The following AREL1 variants were observed in gnomAD, a reference collection of about 807,000 sequenced individuals.
AREL1 encodes apoptosis-resistant E3 ubiquitin protein ligase 1.
Under a neutral mutation model 99.0 loss-of-function variants are expected in AREL1, and 62 were observed. That is an observed-to-expected ratio of 0.63 (90% CI 0.51 to 0.77). The LOEUF (loss-of-function observed/expected upper bound fraction) is 0.77, where lower values mean the gene tolerates loss of function less well. Among genes scored for constraint, AREL1 ranks in the 30% least tolerant of loss-of-function variants. The probability of loss-of-function intolerance (pLI) is 0.00; values close to 1 mark genes in which losing one functional copy is unlikely to be tolerated. For missense variants in AREL1, 879 were observed against 1,027.6 expected (o/e 0.86, Z 1.98); for synonymous variants, 380 against 376.5 (o/e 1.01, Z -0.11).
At chr14:74,689,026 T>A (rs1431299799) in intron 2 of AREL1, among the ~76,000 whole-genome samples, 1 of 151,270 alleles carries the variant, frequency 6.6e-6, no homozygotes, top group Non-Finnish European at 1.5e-5. Context: ...TTTTTTTTTT[T>A]TAGTAGAGAC....
Position 74,704,539 on chromosome 14 carries a change from G to A in AREL1, c.-334+8394C>T, listed in dbSNP as rs75140279. ...AGATATGCATCTATCTCGGTAGGCAGGGGATGACTCTGAACAGAATGAGAC... is the reference window on the plus strand; with the variant it reads ...AGATATGCATCTATCTCGGTAGGCAAGGGATGACTCTGAACAGAATGAGAC... On this transcript the variant is annotated intron_variant, in intron 1 of 19. Coordinates refer to ENST00000356357, the MANE Select transcript of AREL1 (RefSeq NM_001039479.2). Among the ~76,000 whole-genome samples the A allele has an allele frequency of 8.4e-3, 1,273 of 152,262 alleles. 11 individuals are homozygous for A. Among genetic ancestry groups the A allele is most frequent in the Non-Finnish European group, 0.015 (999 of 68,018 alleles).
intron 1 of AREL1, chr14:74,712,056 AAAAAAAAAAAAG>A (rs1201749002): frequency 2.2e-3 from 116 of 53,166 alleles, no homozygotes; most frequent in African/African-American, 8.4e-3. Context: ...AAAAAAAAAA[AAAAAAAAAAAAG>A]AAAAAAAAAG....
chr14:74,679,759 C>T (rs993734955), intron 5 of AREL1, among the ~76,000 whole-genome samples: 1 of 150,970 alleles, frequency 6.6e-6, no homozygotes, highest in African/African-American at 2.4e-5. Flanking sequence ...ACATGGGAGG[C>T]GGAGGTCGCA....
In AREL1 at chr14:74,683,412, T is replaced by C. The variant is rs1270400567; in HGVS notation, c.365A>G (p.Asn122Ser). 6.2e-7 allele frequency: 1 copy of C among 1,614,168 alleles called. No individual in the cohort carries two copies. Among genetic ancestry groups the C allele is most frequent in the Non-Finnish European group, 8.5e-7 (1 of 1,180,014 alleles). ...GAAGGCCACTTTTACTACGTTGGAATTGGGCTCCTGAAGGACTTCCTGGGT... is the reference window on the plus strand; with the variant it reads ...GAAGGCCACTTTTACTACGTTGGAACTGGGCTCCTGAAGGACTTCCTGGGT... ...PVTQEVLQEP[N>S]SNVVKVAFTV... The change falls in exon 5 of 20, where the codon AAT becomes AGT. Residue 122 changes from asparagine (N) to serine (S), a missense_variant. Asn to Ser is a conservative substitution (Grantham distance 46). Transcript: ENST00000356357.
In AREL1 at chr14:74,669,738, T is replaced by TA; in HGVS notation, c.1824dup (p.Lys609Ter). ...TCATTGTTGAGGATAAAACAAACTT[T>TA]AGATTTGTAGAATTCTGGGTCATCT... On this transcript the variant is annotated frameshift_variant, in exon 15 of 20. Coordinates refer to ENST00000356357, the MANE Select transcript of AREL1 (RefSeq NM_001039479.2). LOFTEE classifies it high-confidence loss of function. The TA allele has an allele frequency of 6.2e-7, 1 of 1,614,148 alleles. No homozygotes were observed. Among genetic ancestry groups the TA allele is most frequent in the Non-Finnish European group, 8.5e-7 (1 of 1,180,000 alleles).
chr14:74,669,738 T>G lies in AREL1; in HGVS notation c.1825A>C (p.Lys609Gln). 4 of 1,614,148 alleles carry G rather than the reference T, an allele frequency of 2.5e-6. No homozygotes were observed. Among genetic ancestry groups the G allele is most frequent in the Non-Finnish European group, 2.5e-6 (3 of 1,180,000 alleles). Residue 609 changes from lysine to glutamine, a missense_variant, in exon 15 of 20, where the codon AAA becomes CAA. By Grantham distance (53) the Lys-to-Gln change is moderately conservative. Coordinates refer to ENST00000356357, the MANE Select transcript of AREL1 (RefSeq NM_001039479.2). ...TCATTGTTGAGGATAAAACAAACTTTAGATTTGTAGAATTCTGGGTCATCT... is the reference window on the plus strand; with the variant it reads ...TCATTGTTGAGGATAAAACAAACTTGAGATTTGTAGAATTCTGGGTCATCT... ...ETDDPEFYKS[K>Q]VCFILNNDMS... is the part of the protein sequence containing the mutation.
chr14:74,687,296 A>G (rs945015020), intron 2 of AREL1, among the ~76,000 whole-genome samples: 2 of 152,194 alleles, frequency 1.3e-5, no homozygotes, highest in African/African-American at 4.8e-5. Context: ...CCCACCTACT[A>G]TCTCTGACAA....
chr14:74,668,142 C>T (rs767591465), intron 15 of AREL1, among the ~76,000 whole-genome samples: 6 of 152,220 alleles, frequency 3.9e-5, no homozygotes, highest in Admixed American at 6.5e-5. Flanking sequence ...TGGTTAATTG[C>T]CCCTCCAGAC....
rs1018782502 is a variant in AREL1 at position 74,663,486 on chromosome 14, C to A, written c.*234G>T. On this transcript the variant is annotated 3_prime_UTR_variant, in exon 20 of 20. Transcript: ENST00000356357. ...TAGCAGCATGGTCCTCTTCTCATGA[C>A]AGAATGAAGAGCTCAGCTTACATAC... 7.3e-6 allele frequency: 4 copies of A among 545,682 alleles called. No homozygotes were observed. The African/African-American group carries it at 7.6e-5, about 10-fold the overall frequency. The allele number at this position is 545,682 out of a possible 1,614,324, so 33.8% of individuals were successfully genotyped here. A position where few individuals can be genotyped will look rare whatever the true frequency, so the allele number is the denominator to read the frequency against.
intron 13 of AREL1, 65 bp from the exon 14 acceptor site, chr14:74,670,191 C>T: frequency 6.9e-7 from 1 of 1,453,258 alleles, no homozygotes; most frequent in Non-Finnish European, 9.3e-7. Context: ...TGGAAGGACC[C>T]TTCCTTCCCC....
Position 74,692,290 on chromosome 14 carries a change from T to C in AREL1, c.-295A>G, listed in dbSNP as rs1234230628. 3 of 456,132 alleles carry C rather than the reference T, an allele frequency of 6.6e-6. No individual in the cohort carries two copies. The highest frequency in any genetic ancestry group is 3.1e-5 in the South Asian group (2 of 64,368). The allele number at this position is 456,132 out of a possible 1,614,324, so 28.3% of individuals were successfully genotyped here. On this transcript the variant is annotated 5_prime_UTR_variant, in exon 2 of 20. Transcript: ENST00000356357. Reference sequence around the variant, plus strand: ...ATATCATTCCTGGACTTCTCTCTAGTGCAGGGTGCAATCGACTGCCAAAGG... The same window carrying C: ...ATATCATTCCTGGACTTCTCTCTAGCGCAGGGTGCAATCGACTGCCAAAGG...
rs1223163361 is a variant in AREL1 at position 74,712,949 on chromosome 14, A to G, written c.-350T>C. ...AAACGTTACCCGAGCCGGGGGTTGC[A>G]GCGCGACGAAGTTCCACCTCCGCTG... On this transcript the variant is annotated 5_prime_UTR_variant, in exon 1 of 20. Coordinates refer to ENST00000356357, the MANE Select transcript of AREL1 (RefSeq NM_001039479.2). 2 of 697,086 alleles carry G rather than the reference A, an allele frequency of 2.9e-6. No homozygotes were observed. The highest frequency in any genetic ancestry group is 3.5e-5 in the African/African-American group (2 of 57,022). 43.2% of individuals were successfully genotyped at this position (697,086 alleles called of 1,614,324 possible).
rs528734378 is a variant in AREL1, at chr14:74,702,749, G to T, written c.-334+10184C>A. ...CAAATTTTCCAAACTTTTATGCTCT[G>T]CTTCCCTTTTAAATGTAAGTTCCAA... On this transcript the variant is annotated intron_variant, in intron 1 of 19. Coordinates refer to ENST00000356357, the MANE Select transcript of AREL1 (RefSeq NM_001039479.2). Among the ~76,000 whole-genome samples, 13 of 152,194 alleles carry T rather than the reference G, an allele frequency of 8.5e-5. No homozygotes were observed. The South Asian group carries it at 2.7e-3, about 32-fold the overall frequency.
intron 4 of AREL1, among the ~76,000 whole-genome samples, chr14:74,683,942 T>C (rs1188754149): frequency 6.6e-6 from 1 of 152,038 alleles, no homozygotes; most frequent in Non-Finnish European, 1.5e-5. Flanking sequence ...CAGACAAAGG[T>C]AGGAGGGGTT....
chr14:74,687,397 T>C (rs1364972623), intron 2 of AREL1, among the ~76,000 whole-genome samples: 4 of 152,192 alleles, frequency 2.6e-5, no homozygotes, highest in African/African-American at 7.2e-5. Context: ...GTGACCTATC[T>C]AGGCTTCAGA....
At chr14:74,707,627 T>C (rs1294492541) in intron 1 of AREL1, among the ~76,000 whole-genome samples, 1 of 151,864 alleles carries the variant, frequency 6.6e-6, no homozygotes, top group Non-Finnish European at 1.5e-5. Flanking sequence ...ACCCCGTCTC[T>C]ACTAAAAATA....
intron 9 of AREL1, 64 bp from the exon 10 acceptor site, chr14:74,673,282 G>C: frequency 6.4e-7 from 1 of 1,552,438 alleles, no homozygotes; most frequent in Non-Finnish European, 8.8e-7. Context: ...GTCCTCCACA[G>C]CTCTATCCTG....
chr14:74,685,461 A>G, intron 3 of AREL1, 139 bp downstream of exon 3: 4 of 969,968 alleles, frequency 4.1e-6, no homozygotes, highest in Non-Finnish European at 6.3e-6. Flanking sequence ...TCCAATGCCA[A>G]CTCTGTGAAG....
chr14:74,702,334 CA>C (rs2090101462), intron 1 of AREL1, among the ~76,000 whole-genome samples: 1 of 152,264 alleles, frequency 6.6e-6, no homozygotes, highest in Non-Finnish European at 1.5e-5. Flanking sequence ...CAGAGGTTCT[CA>C]AACCTCAGTT....
Sources: allele counts gnomAD v4.1 joint callset (sites outside exome capture counted in the v4.1 genomes callset), GRCh38; gene constraint gnomAD v4.1.1; transcripts MANE v1.5; gene names NCBI Gene and HGNC (gene_info 2026-07-23, HGNC 2026-07-21).